Variants in ADGRG4 observed in about 807,000 individuals in gnomAD.
ADGRG4 encodes adhesion G protein-coupled receptor G4.
A neutral mutation model predicts 126.2 loss-of-function variants in ADGRG4; 122 were observed. The ratio of observed to expected loss-of-function variants is 0.97; its 90% confidence interval spans 0.83 to 1.12. The LOEUF (loss-of-function observed/expected upper bound fraction) is 1.12. ADGRG4 is among the 50% of genes most tolerant of loss of function. ADGRG4 has a pLI of 0.00. For missense variants in ADGRG4, 2,481 were observed against 2,251.8 expected, an observed-to-expected ratio of 1.10 and a Z score of -2.06; for synonymous variants, 943 against 838.7, an observed-to-expected ratio of 1.12 and a Z score of -2.15.
intron 5 of ADGRG4, among the ~76,000 whole-genome samples, chrX:136,324,180 A>AT (rs1371609307): frequency 2.7e-5 from 3 of 110,790 alleles, no homozygotes; most frequent in Admixed American, 9.6e-5. Context: ...TAAAGTTATT[A>AT]TTTTTTCCTT....
At chrX:136,332,886 A>T (rs1264045632) in intron 5 of ADGRG4, among the ~76,000 whole-genome samples, 2 of 110,250 alleles carry the variant, frequency 1.8e-5, no homozygotes, top group Non-Finnish European at 3.8e-5. Flanking sequence ...GTTTGAGTTC[A>T]TTGTAGATTC....
chrX:136,380,601 CTCCTCTTCTTCT>C (rs1437446047), intron 15 of ADGRG4, among the ~76,000 whole-genome samples: 102 of 60,153 alleles, frequency 1.7e-3, no homozygotes, highest in African/African-American at 4.6e-3. Context: ...CCTCCTCCTC[CTCCTCTTCTTCT>C]TCTTCTTCTT....
In ADGRG4 at chrX:136,349,044, C is replaced by T. The variant is rs2075040591; in HGVS notation, c.5338C>T (p.Pro1780Ser). Residue 1780 changes from proline (P) to serine (S), a missense_variant, in exon 6 of 26, where the codon CCC becomes TCC. Coordinates refer to ENST00000394143, the MANE Select transcript of ADGRG4 (RefSeq NM_153834.4). Reference sequence around the variant, plus strand: ...GACTAGCTTTAAGAGTGCTTCTGGACCCACAAAAAATGTTAAAACAACCAC... The same window carrying T: ...GACTAGCTTTAAGAGTGCTTCTGGATCCACAAAAAATGTTAAAACAACCAC... ...SLTSFKSASG[P>S]TKNVKTTTNC... The T allele has an allele frequency of 7.5e-6, 9 of 1,205,598 alleles. No individual in the cohort carries two copies. In the East Asian group the frequency reaches 2.7e-4, roughly 36 times the overall value.
intron 5 of ADGRG4, among the ~76,000 whole-genome samples, chrX:136,332,782 T>C (rs1223902784): frequency 2.2e-4 from 23 of 106,621 alleles, no homozygotes; most frequent in African/African-American, 7.9e-4. Context: ...TTTCATGTGT[T>C]TTTTGGCTGC....
At chrX:136,393,839 C>T (rs1306878694) in intron 18 of ADGRG4, among the ~76,000 whole-genome samples, 1 of 112,012 alleles carries the variant, frequency 8.9e-6, no homozygotes, top group African/African-American at 3.2e-5. Context: ...TTGCTCCTTA[C>T]CTGCAGTTTC....
chrX:136,347,991 C>G lies in ADGRG4; in HGVS notation c.4285C>G (p.Pro1429Ala), dbSNP rs1281837078. ...TTCCAGCTCAACAAGGATATCAAAT[C>G]CTATGGACATCAATACAACTTTTTC... Reference protein sequence around the residue: ...TTSSSTRISNPMDINTTFSHL... With the variant: ...TTSSSTRISNAMDINTTFSHL... The change falls in exon 6 of 26, where the codon CCT becomes GCT. Residue 1429 changes from proline to alanine, a missense_variant. Pro to Ala is a conservative substitution (Grantham distance 27). Coordinates refer to ENST00000394143, the MANE Select transcript of ADGRG4 (RefSeq NM_153834.4). 1 of 1,209,172 alleles carries G rather than the reference C, an allele frequency of 8.3e-7. No homozygotes were observed. Among genetic ancestry groups the G allele is most frequent in the Non-Finnish European group, 1.1e-6 (1 of 894,362 alleles).
rs1405689053 is a variant in ADGRG4, at chrX:136,392,338, A to G, written c.8018A>G (p.His2673Arg). 7.7e-6 allele frequency: 9 copies of G among 1,166,331 alleles called. No homozygotes were observed. The highest frequency in any genetic ancestry group is 9.2e-6 in the Non-Finnish European group (8 of 869,336). The part of the protein sequence containing the change: ...LADPVVITLQ[H>R]IGGNQNYGQV... ...GACCCAGTGGTTATCACTCTGCAGC[A>G]TATTGGAGGAAACCAGGTAATATAT... is the stretch of plus-strand genomic sequence containing the variant. Residue 2673 changes from histidine to arginine, a missense_variant, in exon 17 of 26, where the codon CAT becomes CGT. Transcript: ENST00000394143.
chrX:136,345,446 A>G lies in ADGRG4; in HGVS notation c.1740A>G (p.Thr580=), dbSNP rs768911102. 1 of 1,209,773 alleles carries G rather than the reference A, an allele frequency of 8.3e-7. No individual in the cohort carries two copies. The highest frequency in any genetic ancestry group is 3.0e-5 in the East Asian group (1 of 33,812). ...SVQTVIDAEA[T]RTALTPEITL... is the part of the protein sequence containing the mutation. ...AGACAGTTATTGATGCTGAAGCTAC[A>G]CGTACAGCCTTAACTCCTGAAATCA... The change falls in exon 6 of 26, where the codon ACA becomes ACG. Residue 580 remains threonine, a synonymous_variant. Transcript: ENST00000394143.
At chrX:136,331,185 T>C (rs1224061105) in intron 5 of ADGRG4, among the ~76,000 whole-genome samples, 1 of 112,478 alleles carries the variant, frequency 8.9e-6, no homozygotes, top group Non-Finnish European at 1.9e-5. Context: ...ATCTCATTTT[T>C]TTGTGGCTGA....
Position 136,345,303 on chromosome X carries a change from C to T in ADGRG4, c.1597C>T (p.Gln533Ter). 3 of 1,210,046 alleles carry T rather than the reference C, an allele frequency of 2.5e-6. No homozygotes were observed. The highest frequency in any genetic ancestry group is 3.4e-6 in the Non-Finnish European group (3 of 894,193). ...AACAGAATTGACATCTACAAATTTT[C>T]AGGATGTCTCTTTACCCAGAGTGGA... The part of the protein sequence containing the change: ...AETELTSTNF[Q>*]DVSLPRVEDA... Residue 533 changes from glutamine (Q) to a stop codon, truncating the protein, a stop_gained, in exon 6 of 26, where the codon CAG (glutamine) becomes TAG (stop). Coordinates refer to ENST00000394143, the MANE Select transcript of ADGRG4 (RefSeq NM_153834.4). LOFTEE classifies it high-confidence loss of function.
At chrX:136,395,845 G>A (rs781576658) in intron 19 of ADGRG4, among the ~76,000 whole-genome samples, 1 of 111,582 alleles carries the variant, frequency 9.0e-6, no homozygotes, top group African/African-American at 3.3e-5. Context: ...TATTCATACT[G>A]TTTTTACCGA....
chrX:136,373,871 G>A (rs895941100), intron 15 of ADGRG4, among the ~76,000 whole-genome samples: 63 of 111,257 alleles, frequency 5.7e-4, no homozygotes, highest in African/African-American at 1.9e-3. Flanking sequence ...AGGCTTAGGC[G>A]GGAGGATTGC....
chrX:136,371,671 AT>A (rs2075195379), intron 14 of ADGRG4, 127 bp downstream of exon 14: 2 of 428,413 alleles, frequency 4.7e-6, no homozygotes, highest in South Asian at 1.1e-4. Flanking sequence ...CCTTAAAAAA[AT>A]CTTGCGTCGA....
At chrX:136,367,038 A>G (rs745760549) in intron 13 of ADGRG4, among the ~76,000 whole-genome samples, 2 of 111,400 alleles carry the variant, frequency 1.8e-5, no homozygotes, top group Admixed American at 9.5e-5. Flanking sequence ...ATGTGAGGTT[A>G]TAGTGAAAAA....
intron 19 of ADGRG4, 87 bp downstream of exon 19, chrX:136,395,580 G>T: frequency 2.1e-6 from 1 of 473,664 alleles, no homozygotes; most frequent in South Asian, 5.6e-5. Context: ...ATTAAAAAAT[G>T]GTATGCATTT....
intron 4 of ADGRG4, among the ~76,000 whole-genome samples, chrX:136,309,339 C>T (rs1057457957): frequency 2.7e-5 from 3 of 111,869 alleles, no homozygotes; most frequent in African/African-American, 9.8e-5. Flanking sequence ...TCTGGAAGCA[C>T]CCAGACCTTC....
Position 136,346,346 on chromosome X carries a change from T to A in ADGRG4, c.2640T>A (p.Ala880=). 1 of 1,209,629 alleles carries A rather than the reference T, an allele frequency of 8.3e-7. No individual in the cohort carries two copies. The highest frequency in any genetic ancestry group is 1.1e-6 in the Non-Finnish European group (1 of 894,094). The stretch of plus-strand genomic sequence containing the variant: ...ACGAATCAGCACAAAGGGTGACAGC[T>A]TCTGTCACTGTTTCCTCTTTTCCTG... ...VTDESAQRVT[A]SVTVSSFPDI... Residue 880 remains alanine (A), a synonymous_variant, in exon 6 of 26, where the codon GCT becomes GCA. Coordinates refer to ENST00000394143, the MANE Select transcript of ADGRG4 (RefSeq NM_153834.4).
chrX:136,339,939 T>G (rs2074969902), intron 5 of ADGRG4, among the ~76,000 whole-genome samples: 1 of 111,783 alleles, frequency 8.9e-6, no homozygotes, highest in East Asian at 2.8e-4. Context: ...TGTAACTACC[T>G]TACTCACTTA....
At chrX:136,351,129 C>T (rs2075059973) in intron 6 of ADGRG4, among the ~76,000 whole-genome samples, 1 of 111,655 alleles carries the variant, frequency 9.0e-6, no homozygotes, top group Admixed American at 9.5e-5. Context: ...AGATAATGTT[C>T]AGTTTGGCCA....
Sources: gnomAD v4.1 joint callset for allele counts (sites outside exome capture counted in the v4.1 genomes callset) on GRCh38, gnomAD v4.1.1 for gene constraint, MANE v1.5 for transcripts, NCBI Gene and HGNC (gene_info 2026-07-23, HGNC 2026-07-21) for gene names.